Variants in SCN7A observed in about 807,000 individuals in gnomAD.
The protein encoded by SCN7A is sodium channel protein type 7 subunit alpha.
In SCN7A, 138 loss-of-function variants were observed where a neutral mutation model predicts 155.2. The ratio of observed to expected loss-of-function variants is 0.89; its 90% confidence interval spans 0.77 to 1.02. SCN7A has a LOEUF of 1.02. Ranked by LOEUF, SCN7A falls within the 50% of genes least tolerant of loss-of-function variation. The pLI is 0.00. For missense variants in SCN7A, 2,058 were observed against 1,986.6 expected, an observed-to-expected ratio of 1.04 and a Z score of -0.68; for synonymous variants, 693 against 649.0, an observed-to-expected ratio of 1.07 and a Z score of -1.03.
chr2:166,450,361 T>C (rs1702150503), intron 11 of SCN7A, among the ~76,000 whole-genome samples: 1 of 152,110 alleles, frequency 6.6e-6, no homozygotes, highest in Non-Finnish European at 1.5e-5. Context: ...AAGGACTGCC[T>C]ATCGCTCACT....
rs940301251 is a variant in SCN7A, at chr2:166,474,106, A to G, written c.353+120T>C. On this transcript the variant is annotated intron_variant, in intron 4 of 25. Coordinates refer to ENST00000643258, the MANE Select transcript of SCN7A (RefSeq NM_002976.4). ...AATGAAGTATAATCTAGATTTCAAT[A>G]TGACCCAACATGAGATATAAATTGA... 67 of 543,634 alleles carry G rather than the reference A, an allele frequency of 1.2e-4. 2 individuals are homozygous for G. Among genetic ancestry groups the G allele is most frequent in the African/African-American group, 1.2e-3 (63 of 51,316 alleles). 33.7% of individuals were successfully genotyped at this position (543,634 alleles called of 1,614,324 possible).
chr2:166,427,731 A>G, intron 18 of SCN7A, 57 bp downstream of exon 18: 1 of 1,486,612 alleles, frequency 6.7e-7, no homozygotes, highest in Non-Finnish European at 9.1e-7. Flanking sequence ...CTGAATTAAC[A>G]GAATCATGAT....
At chr2:166,417,012 T>C (rs1701393242) in intron 20 of SCN7A, 27 bp from the exon 21 acceptor site, 2 of 1,495,798 alleles carry the variant, frequency 1.3e-6, no homozygotes, top group South Asian at 1.3e-5. Flanking sequence ...ATGTAAACTT[T>C]AGATAGGAAA....
At chr2:166,482,636 C>T (rs1156671251) in intron 2 of SCN7A, among the ~76,000 whole-genome samples, 21 of 151,824 alleles carry the variant, frequency 1.4e-4, no homozygotes, top group Admixed American at 1.1e-3. Context: ...TTCTGTCATC[C>T]AACCCAGTCA....
intron 23 of SCN7A, 104 bp from the exon 24 acceptor site, chr2:166,410,428 A>T (rs1024385070): frequency 4.3e-6 from 3 of 696,076 alleles, no homozygotes; most frequent in African/African-American, 3.7e-5. Context: ...TTAATCTTCT[A>T]AAAAAAAGGC....
Position 166,475,080 on chromosome 2 carries a change from G to GTATATA in SCN7A, c.235-742_235-737dup, listed in dbSNP as rs201255081. ...CAAGTTTGCATATTTTTATATTTGT[G>GTATATA]TATATATATATACACATATATATGT... On this transcript the variant is annotated intron_variant, in intron 3 of 25. Transcript: ENST00000643258. Among the ~76,000 whole-genome samples, 156 of 85,888 alleles carry GTATATA rather than the reference G, an allele frequency of 1.8e-3. 1 individual carries two copies. Among genetic ancestry groups the GTATATA allele is most frequent in the African/African-American group, 5.4e-3 (149 of 27,416 alleles). 56.3% of individuals were successfully genotyped at this position (85,888 alleles called of 152,430 possible).
intron 2 of SCN7A, among the ~76,000 whole-genome samples, chr2:166,483,590 T>C (rs1458239276): frequency 6.6e-6 from 1 of 151,828 alleles, no homozygotes; most frequent in Admixed American, 6.6e-5. Context: ...AAATACAAAA[T>C]AAAATTTAAA....
intron 10 of SCN7A, among the ~76,000 whole-genome samples, chr2:166,457,356 T>C (rs868309728): frequency 1.3e-5 from 2 of 152,322 alleles, no homozygotes; most frequent in African/African-American, 4.8e-5. Context: ...TATGTCTTCA[T>C]TGATAGAGAA....
At chr2:166,420,118 AATT>A (rs1411235792) in intron 20 of SCN7A, among the ~76,000 whole-genome samples, 3 of 152,014 alleles carry the variant, frequency 2.0e-5, no homozygotes, top group African/African-American at 7.2e-5. Flanking sequence ...AAATTTCTGA[AATT>A]ATTTTTTTAA....
rs66783423 is a variant in SCN7A at position 166,439,055 on chromosome 2, G to GTATATATATA, written c.2157+2331_2157+2340dup. On this transcript the variant is annotated intron_variant, in intron 15 of 25. Transcript: ENST00000643258. ...CACATACATATATGTGTGTGTGTGT[G>GTATATATATA]TATATATATATATATATATATATAG... 2.9e-3 allele frequency among the ~76,000 whole-genome samples: 325 copies of GTATATATATA among 113,384 alleles called. 3 individuals carry two copies. The highest frequency in any genetic ancestry group is 0.011 in the African/African-American group (289 of 26,594). 74.4% of individuals were successfully genotyped at this position (113,384 alleles called of 152,430 possible).
intron 25 of SCN7A, 147 bp downstream of exon 25, chr2:166,409,518 A>C (rs1701149388): frequency 1.7e-6 from 1 of 593,918 alleles, no homozygotes; most frequent in South Asian, 2.7e-5. Context: ...TCCTGTTGAA[A>C]ATAAAAAAAG....
intron 15 of SCN7A, chr2:166,436,482 T>G (rs1263487817): frequency 2.7e-6 from 1 of 373,400 alleles, no homozygotes; most frequent in Non-Finnish European, 5.4e-6. Flanking sequence ...CTTTTGTAAA[T>G]TATCCAGCCT....
chr2:166,492,409 G>A (rs765902390), intron 1 of SCN7A, among the ~76,000 whole-genome samples: 17 of 152,020 alleles, frequency 1.1e-4, no homozygotes, highest in South Asian at 4.2e-4. Flanking sequence ...GTTAAGTAAC[G>A]GGCCAAATAC....
chr2:166,485,172 G>A (rs1191533668), intron 2 of SCN7A, among the ~76,000 whole-genome samples: 2 of 152,116 alleles, frequency 1.3e-5, no homozygotes, highest in African/African-American at 4.8e-5. Context: ...TTTATATAAA[G>A]TGCTAGAAGA....
At chr2:166,464,038 A>G (rs1559118810) in intron 9 of SCN7A, among the ~76,000 whole-genome samples, 1 of 152,114 alleles carries the variant, frequency 6.6e-6, no homozygotes, top group Non-Finnish European at 1.5e-5. Flanking sequence ...CCTGGGCAAC[A>G]GAACAAGACT....
intron 3 of SCN7A, among the ~76,000 whole-genome samples, chr2:166,475,135 T>C (rs936128106): frequency 2.8e-5 from 4 of 141,668 alleles, no homozygotes; most frequent in African/African-American, 1.0e-4. Context: ...TATATATATA[T>C]ATACACACAC....
chr2:166,429,638 A>T (rs968230721), intron 16 of SCN7A, among the ~76,000 whole-genome samples: 1 of 152,096 alleles, frequency 6.6e-6, no homozygotes, highest in Non-Finnish European at 1.5e-5. Context: ...TGCTATTTCA[A>T]TTAGATGAGT....
chr2:166,453,281 A>G (rs1395943089), intron 11 of SCN7A, among the ~76,000 whole-genome samples: 1 of 152,162 alleles, frequency 6.6e-6, no homozygotes, highest in Non-Finnish European at 1.5e-5. Context: ...ACAGTAAATA[A>G]GCAATAAATG....
At chr2:166,443,085 G>C (rs72623157) in intron 14 of SCN7A, among the ~76,000 whole-genome samples, 2 of 151,834 alleles carry the variant, frequency 1.3e-5, no homozygotes, top group Non-Finnish European at 2.9e-5. Flanking sequence ...GACATACACT[G>C]ATTTTTACCT....
Sources: allele counts gnomAD v4.1 joint callset (sites outside exome capture counted in the v4.1 genomes callset), GRCh38; gene constraint gnomAD v4.1.1; transcripts MANE v1.5; gene names NCBI Gene and HGNC (gene_info 2026-07-23, HGNC 2026-07-21).